The following SYNPO2 variants were observed in gnomAD, a reference collection of about 807,000 sequenced individuals.
The protein encoded by SYNPO2 is synaptopodin 2, also known as synaptopodin-2.
Under a neutral mutation model 85.0 loss-of-function variants are expected in SYNPO2, and 56 were observed. The observed-to-expected ratio is 0.66, with a 90% CI of 0.53 to 0.82. The LOEUF (loss-of-function observed/expected upper bound fraction) is 0.82, where lower values mean the gene tolerates loss of function less well. Ranked by LOEUF, SYNPO2 falls within the 40% of genes least tolerant of loss-of-function variation. The pLI, the probability that SYNPO2 is intolerant of heterozygous loss-of-function variation, is 0.00. For synonymous variants in SYNPO2, 602 were observed against 591.1 expected (o/e 1.02, Z -0.27); for missense variants, 1,575 against 1,534.2 (o/e 1.03, Z -0.44).
intron 4 of SYNPO2, chr4:119,038,369 TA>T (rs3216722): frequency 3.1e-4 from 256 of 831,128 alleles, no homozygotes; most frequent in East Asian, 7.4e-4. Context: ...GTTTTATTAG[TA>T]AAAAAAAAAA....
intron 1 of SYNPO2, among the ~76,000 whole-genome samples, chr4:118,944,547 G>A (rs1734430218): frequency 6.6e-6 from 1 of 152,128 alleles, no homozygotes; most frequent in Admixed American, 6.6e-5. Flanking sequence ...CTCACTGACT[G>A]TTAACGCTGA....
intron 1 of SYNPO2, among the ~76,000 whole-genome samples, chr4:118,861,283 G>C (rs1385505698): frequency 6.6e-6 from 1 of 152,140 alleles, no homozygotes; most frequent in African/African-American, 2.4e-5. Context: ...CTCCTGAGTA[G>C]CTGGGACTAC....
intron 2 of SYNPO2, among the ~76,000 whole-genome samples, chr4:119,025,498 T>C (rs972367377): frequency 4.6e-5 from 7 of 152,224 alleles, no homozygotes; most frequent in African/African-American, 7.2e-5. Context: ...TAGTTTTGTT[T>C]TGCCAAATGC....
At chr4:118,975,807 C>G (rs1383456031) in intron 1 of SYNPO2, among the ~76,000 whole-genome samples, 1 of 152,226 alleles carries the variant, frequency 6.6e-6, no homozygotes, top group African/African-American at 2.4e-5. Flanking sequence ...ATGTGCTCCA[C>G]AGCCTGAGAG....
chr4:119,040,353 C>T lies in SYNPO2; in HGVS notation c.3252+8326C>T, dbSNP rs572141014. Among the ~76,000 whole-genome samples, 94 of 152,242 alleles carry T rather than the reference C, an allele frequency of 6.2e-4. 1 individual carries two copies. In the South Asian group the frequency reaches 0.019, roughly 30 times the overall value. On this transcript the variant is annotated intron_variant, in intron 4 of 4. Transcript: ENST00000307142. ...TTCACATTGACACAAGAAATCTATTCCCAGGAGTCGTTGAGAGATCTTTGT... is the reference window on the plus strand; with the variant it reads ...TTCACATTGACACAAGAAATCTATTTCCAGGAGTCGTTGAGAGATCTTTGT...
intron 1 of SYNPO2, among the ~76,000 whole-genome samples, chr4:118,958,429 A>G (rs1014256345): frequency 6.6e-6 from 1 of 152,196 alleles, no homozygotes; most frequent in Admixed American, 6.5e-5. Flanking sequence ...TGAATTAAAG[A>G]GTCCGTGATT....
At chr4:119,032,589 C>T in intron 4 of SYNPO2, 4 of 994,488 alleles carry the variant, frequency 4.0e-6, no homozygotes, top group Non-Finnish European at 4.8e-6. Context: ...AGAGAAGATA[C>T]TCGGAGGATT....
chr4:118,917,570 A>T (rs1733383944), intron 1 of SYNPO2, among the ~76,000 whole-genome samples: 1 of 152,314 alleles, frequency 6.6e-6, no homozygotes, highest in South Asian at 2.1e-4. Context: ...TAATTTTTGA[A>T]TTCTTCTTCT....
chr4:119,013,328 T>C (rs1203065179), intron 1 of SYNPO2, among the ~76,000 whole-genome samples: 1 of 152,208 alleles, frequency 6.6e-6, no homozygotes, highest in Non-Finnish European at 1.5e-5. Context: ...AATGCATATC[T>C]TTTTAATATT....
In SYNPO2 at chr4:119,059,477, C is replaced by A. The variant is rs941434864; in HGVS notation, c.*1543C>A. 6.6e-6 allele frequency: 1 copy of A among 152,078 alleles called. No homozygotes were observed. Among genetic ancestry groups the A allele is most frequent in the Admixed American group, 6.6e-5 (1 of 15,264 alleles). 9.4% of individuals were successfully genotyped at this position (152,078 alleles called of 1,614,324 possible). ...CAAATAATCAGATCAAACACCTGCT[C>A]CTTATTGCCATACCCACGAACTGTT... is the stretch of plus-strand genomic sequence containing the variant. On this transcript the variant is annotated 3_prime_UTR_variant, in exon 5 of 5. Transcript: ENST00000307142.
intron 1 of SYNPO2, among the ~76,000 whole-genome samples, chr4:118,967,178 C>T (rs1735345419): frequency 6.6e-6 from 1 of 152,142 alleles, no homozygotes; most frequent in Admixed American, 6.5e-5. Flanking sequence ...GAGTTAATTT[C>T]AAGCCCATTT....
upstream of SYNPO2, among the ~76,000 whole-genome samples, chr4:118,887,775 T>C (rs1360266574): frequency 1.2e-4 from 18 of 152,240 alleles, no homozygotes. Context: ...TGAACCTATC[T>C]GTGACGTTTT....
intron 1 of SYNPO2, among the ~76,000 whole-genome samples, chr4:119,011,954 ACTCT>A (rs1457105294): frequency 8.2e-6 from 1 of 121,810 alleles, no homozygotes; most frequent in Non-Finnish European, 1.6e-5. Context: ...ATGGAGTCTC[ACTCT>A]ATCACCCAGC....
intron 4 of SYNPO2, among the ~76,000 whole-genome samples, chr4:119,054,390 G>A (rs1307220156): frequency 6.6e-6 from 1 of 152,152 alleles, no homozygotes; most frequent in Non-Finnish European, 1.5e-5. Flanking sequence ...GCACTCGGTG[G>A]GTCCCAAGCT....
intron 1 of SYNPO2, among the ~76,000 whole-genome samples, chr4:118,977,235 C>T (rs576723333): frequency 2.0e-5 from 3 of 152,342 alleles, no homozygotes; most frequent in South Asian, 2.1e-4. Flanking sequence ...TCGAGCGCAG[C>T]GCCGGTGGGC....
In SYNPO2 at chr4:119,058,011, A is replaced by G; in HGVS notation, c.*77A>G. 1 of 1,464,396 alleles carries G rather than the reference A, an allele frequency of 6.8e-7. No individual in the cohort carries two copies. The highest frequency in any genetic ancestry group is 9.2e-7 in the Non-Finnish European group (1 of 1,092,302). The allele number at this position is 1,464,396 out of a possible 1,614,324, so 90.7% of individuals were successfully genotyped here. A position where few individuals can be genotyped will look rare whatever the true frequency, so the allele number is the denominator to read the frequency against. On this transcript the variant is annotated 3_prime_UTR_variant, in exon 5 of 5. Transcript: ENST00000307142. ...CCTTTGTAGGGTTTTAAACTTTTCT[A>G]ATAGATTTAGATTCACTTTTGGTCT...
intron 1 of SYNPO2, among the ~76,000 whole-genome samples, chr4:118,934,740 A>C (rs942790091): frequency 1.3e-5 from 2 of 152,238 alleles, no homozygotes; most frequent in Non-Finnish European, 2.9e-5. Flanking sequence ...CTGACTGATC[A>C]AACTTTATAA....
In SYNPO2 at chr4:119,031,723, A is replaced by G. The variant is rs139205025; in HGVS notation, c.2948A>G (p.Asp983Gly). ...NASLFTFQPP[D>G]AKDGLPQKSS... ...TCCTTGTTTACTTTCCAACCTCCAG[A>G]TGCAAAGGATGGCCTCCCCCAGAAG... is the stretch of plus-strand genomic sequence containing the variant. The change falls in exon 4 of 5, where the codon GAT becomes GGT. Residue 983 changes from aspartate (D) to glycine (G), a missense_variant. Physicochemically the swap from Asp to Gly is moderately conservative, Grantham distance 94. Transcript: ENST00000307142. 6.2e-4 allele frequency: 994 copies of G among 1,614,200 alleles called. 2 individuals carry two copies. Among genetic ancestry groups the G allele is most frequent in the Non-Finnish European group, 7.9e-4 (929 of 1,180,038 alleles).
intron 4 of SYNPO2, chr4:119,034,512 G>C: frequency 1.3e-5 from 13 of 985,424 alleles, no homozygotes; most frequent in Non-Finnish European, 1.6e-5. Flanking sequence ...GGACTATTTG[G>C]AGTTCTCCAA....
Sources: gnomAD v4.1 joint callset for allele counts (sites outside exome capture counted in the v4.1 genomes callset) on GRCh38, gnomAD v4.1.1 for gene constraint, MANE v1.5 for transcripts, NCBI Gene and HGNC (gene_info 2026-07-23, HGNC 2026-07-21) for gene names.